The following ARID2 variants were observed in gnomAD, a reference collection of about 807,000 sequenced individuals.
ARID2 encodes the protein AT-rich interactive domain-containing protein 2.
In ARID2, 32 loss-of-function variants were observed where a neutral mutation model predicts 184.6. The ratio of observed to expected loss-of-function variants is 0.17; its 90% CI spans 0.13 to 0.23. ARID2 has a LOEUF of 0.23. Ranked by LOEUF, ARID2 falls within the 10% of genes least tolerant of loss-of-function variation. The pLI, the probability that ARID2 is intolerant of heterozygous loss-of-function variation, is 1.00. For synonymous variants in ARID2, 836 were observed against 772.6 expected, an observed-to-expected ratio of 1.08 and a Z score of -1.36; for missense variants, 1,696 against 2,197.6, an observed-to-expected ratio of 0.77 and a Z score of 4.56.
intron 2 of ARID2, 75 bp downstream of exon 2, chr12:45,730,212 C>T: frequency 6.8e-7 from 1 of 1,481,202 alleles, no homozygotes; most frequent in Non-Finnish European, 9.3e-7. Context: ...CCGGAGTGGG[C>T]GCTTGGGGCT....
intron 16 of ARID2, among the ~76,000 whole-genome samples, chr12:45,877,967 G>T (rs930859246): frequency 2.6e-5 from 4 of 152,118 alleles, no homozygotes; most frequent in Admixed American, 6.6e-5. Context: ...ATTTCTCCTT[G>T]ACTTTTGAAG....
chr12:45,834,507 C>T (rs1242916294), intron 6 of ARID2, among the ~76,000 whole-genome samples: 3 of 152,154 alleles, frequency 2.0e-5, no homozygotes, highest in Non-Finnish European at 2.9e-5. Flanking sequence ...CTTTGGGAGG[C>T]CGAGATGGGC....
chr12:45,852,275 T>C lies in ARID2; in HGVS notation c.4152T>C (p.His1384=), dbSNP rs773409968. 1.2e-6 allele frequency: 2 copies of C among 1,614,102 alleles called. No homozygotes were observed. Among genetic ancestry groups the C allele is most frequent in the South Asian group, 2.2e-5 (2 of 91,086 alleles). Residue 1384 remains histidine, a synonymous_variant, in exon 15 of 21, where the codon CAT becomes CAC. Coordinates refer to ENST00000334344, the MANE Select transcript of ARID2 (RefSeq NM_152641.4). ...TTCCAAATCATAAAACTTCCAATCA[T>C]GTAGGAAATGGTGAGATATCTCCAA... ...KNIPNHKTSN[H]VGNGEISPME...
intron 3 of ARID2, among the ~76,000 whole-genome samples, chr12:45,760,055 C>T (rs1445806520): frequency 6.6e-6 from 1 of 152,058 alleles, no homozygotes; most frequent in Non-Finnish European, 1.5e-5. Flanking sequence ...TTTTTGTTAA[C>T]GCTGCATGAA....
At chr12:45,848,616 T>G (rs1295680531) in intron 12 of ARID2, among the ~76,000 whole-genome samples, 17 of 152,140 alleles carry the variant, frequency 1.1e-4, no homozygotes, top group Middle Eastern at 3.2e-3. Context: ...TTTTTATATT[T>G]GTTGTCAGTG....
chr12:45,825,239 T>C (rs545968064), intron 6 of ARID2, among the ~76,000 whole-genome samples: 2 of 152,194 alleles, frequency 1.3e-5, no homozygotes, highest in South Asian at 2.1e-4. Context: ...GAAGAGAAGA[T>C]TTGAAATGCT....
intron 3 of ARID2, among the ~76,000 whole-genome samples, chr12:45,734,426 A>G (rs1387541363): frequency 2.6e-5 from 4 of 152,148 alleles, no homozygotes; most frequent in Non-Finnish European, 5.9e-5. Context: ...ATCATCTGTG[A>G]TGTTTATGCA....
intron 3 of ARID2, among the ~76,000 whole-genome samples, chr12:45,766,574 C>T (rs773806883): frequency 7.3e-5 from 11 of 151,384 alleles, no homozygotes; most frequent in East Asian, 6.0e-4. Flanking sequence ...AGTGCAGTGG[C>T]GCAATCTTGG....
rs564633244 is a variant in ARID2, at chr12:45,740,515, T to C, written c.284+9201T>C. The stretch of plus-strand genomic sequence containing the variant: ...TATACACATACACACATTATCACTG[T>C]CGTTTATTCATTGGATATTATTACA... On this transcript the variant is annotated intron_variant, in intron 3 of 20. Transcript: ENST00000334344. Among the ~76,000 whole-genome samples, 5 of 152,284 alleles carry C rather than the reference T, an allele frequency of 3.3e-5. No homozygotes were observed. The East Asian group carries it at 9.6e-4, about 29-fold the overall frequency.
In ARID2 at chr12:45,893,644, A is replaced by G. The variant is rs1485765420; in HGVS notation, c.5286A>G (p.Gly1762=). The change falls in exon 20 of 21, where the codon GGA becomes GGG. Residue 1762 remains glycine, a synonymous_variant. Transcript: ENST00000334344. The part of the protein sequence containing the change: ...VFRDFTDEKE[G]PITKHIRLTA... ...TTCTTTTTAAGGATGAAAAAGAGGG[A>G]CCAATAACTAAACACATCCGACTAA... is the stretch of plus-strand genomic sequence containing the variant. 5 of 1,604,770 alleles carry G rather than the reference A, an allele frequency of 3.1e-6. No homozygotes were observed. The highest frequency in any genetic ancestry group is 4.2e-6 in the Non-Finnish European group (5 of 1,177,588).
intron 20 of ARID2, among the ~76,000 whole-genome samples, chr12:45,896,417 AC>A (rs1189213882): frequency 6.6e-6 from 1 of 152,024 alleles, no homozygotes; most frequent in African/African-American, 2.4e-5. Flanking sequence ...TGTGGGAGGG[AC>A]CCGGCAGGAA....
At chr12:45,737,032 A>C (rs767031522) in intron 3 of ARID2, among the ~76,000 whole-genome samples, 8 of 152,250 alleles carry the variant, frequency 5.3e-5, no homozygotes, top group African/African-American at 1.9e-4. Context: ...TGATAAAAGA[A>C]ATAACAAACT....
rs772564527 is a variant in ARID2, at chr12:45,837,400, G to C, written c.1103G>C (p.Arg368Thr). ...TVTKCLMSRD[R>T]FLKMRGMEIL... Reference sequence around the variant, plus strand: ...ACAAAATGTCTAATGTCAAGGGATAGATTTTTAAAGATGAGAGGTGAGTTT... The same window carrying C: ...ACAAAATGTCTAATGTCAAGGGATACATTTTTAAAGATGAGAGGTGAGTTT... Residue 368 changes from arginine (R) to threonine (T), a missense_variant, in exon 9 of 21, where the codon AGA (arginine) becomes ACA (threonine). Arg to Thr is a moderately conservative substitution (Grantham distance 71). Coordinates refer to ENST00000334344, the MANE Select transcript of ARID2 (RefSeq NM_152641.4). The C allele has an allele frequency of 6.2e-7, 1 of 1,611,874 alleles. No individual in the cohort carries two copies. Among genetic ancestry groups the C allele is most frequent in the Non-Finnish European group, 8.5e-7 (1 of 1,179,026 alleles).
intron 3 of ARID2, among the ~76,000 whole-genome samples, chr12:45,733,080 C>T (rs1203392845): frequency 2.0e-5 from 3 of 151,996 alleles, no homozygotes; most frequent in Non-Finnish European, 2.9e-5. Flanking sequence ...TGAACTATGT[C>T]CTTAGTTAAA....
intron 6 of ARID2, 114 bp downstream of exon 6, chr12:45,821,601 C>T (rs1029465155): frequency 7.6e-6 from 4 of 528,444 alleles, no homozygotes; most frequent in African/African-American, 5.9e-5. Flanking sequence ...TTATCTTTAC[C>T]TAATACATAT....
intron 6 of ARID2, among the ~76,000 whole-genome samples, chr12:45,829,848 G>A (rs1165049693): frequency 1.4e-5 from 2 of 139,292 alleles, no homozygotes; most frequent in East Asian, 2.0e-4. Context: ...TTAATTCTGA[G>A]CAGCATTCTG....
chr12:45,828,050 T>C (rs1489982776), intron 6 of ARID2, among the ~76,000 whole-genome samples: 1 of 152,106 alleles, frequency 6.6e-6, no homozygotes, highest in Non-Finnish European at 1.5e-5. Context: ...AGTGTATATG[T>C]ATAACACATA....
intron 3 of ARID2, among the ~76,000 whole-genome samples, chr12:45,748,546 G>A (rs1056402790): frequency 2.0e-5 from 3 of 152,060 alleles, no homozygotes; most frequent in Non-Finnish European, 4.4e-5. Flanking sequence ...AGATTGGGGT[G>A]GATGTGGAAA....
At chr12:45,740,204 TA>T (rs1941222570) in intron 3 of ARID2, among the ~76,000 whole-genome samples, 1 of 152,208 alleles carries the variant, frequency 6.6e-6, no homozygotes, top group African/African-American at 2.4e-5. Context: ...AATCTAGTAG[TA>T]AAAATATATG....
Sources: allele counts gnomAD v4.1 joint callset (sites outside exome capture counted in the v4.1 genomes callset), GRCh38; gene constraint gnomAD v4.1.1; transcripts MANE v1.5; gene names NCBI Gene and HGNC (gene_info 2026-07-23, HGNC 2026-07-21).